Variants in LRRTM4 observed in about 807,000 individuals in gnomAD.
LRRTM4 encodes the protein leucine-rich repeat transmembrane neuronal protein 4.
Under a neutral mutation model 47.6 loss-of-function variants are expected in LRRTM4, and 25 were observed. That is an observed-to-expected ratio of 0.53 (90% CI 0.38 to 0.73). LRRTM4 has a LOEUF of 0.73. Ranked by LOEUF, LRRTM4 falls within the 30% of genes least tolerant of loss-of-function variation. The pLI is 0.00. For synonymous variants in LRRTM4, 311 were observed against 269.5 expected, an observed-to-expected ratio of 1.15 and a Z score of -1.51; for missense variants, 638 against 713.4, an observed-to-expected ratio of 0.89 and a Z score of 1.20.
At chr2:77,016,644 C>T (rs537899693) in intron 3 of LRRTM4, among the ~76,000 whole-genome samples, 1 of 152,212 alleles carries the variant, frequency 6.6e-6, no homozygotes, top group East Asian at 1.9e-4. Flanking sequence ...CAAGGCAGAA[C>T]ATTTTGCCCC....
intron 3 of LRRTM4, among the ~76,000 whole-genome samples, chr2:77,070,717 GC>G (rs1680123725): frequency 1.3e-5 from 2 of 152,160 alleles, no homozygotes; most frequent in South Asian, 4.1e-4. Flanking sequence ...TGCATCTTCT[GC>G]CTCCCAGGTT....
At chr2:77,294,708 T>C (rs1279786749) in intron 3 of LRRTM4, among the ~76,000 whole-genome samples, 1 of 152,128 alleles carries the variant, frequency 6.6e-6, no homozygotes, top group Non-Finnish European at 1.5e-5. Context: ...AGGTATTGGA[T>C]ATTGTATTTC....
At chr2:76,986,619 T>C (rs1234503834) in intron 3 of LRRTM4, among the ~76,000 whole-genome samples, 1 of 151,882 alleles carries the variant, frequency 6.6e-6, no homozygotes, top group African/African-American at 2.4e-5. Flanking sequence ...TTGAACATAA[T>C]GAAAGCCCAG....
At chr2:76,781,656 G>T (rs1239274143) in intron 3 of LRRTM4, among the ~76,000 whole-genome samples, 2 of 152,220 alleles carry the variant, frequency 1.3e-5, no homozygotes, top group Admixed American at 1.3e-4. Context: ...CCACTGTCTG[G>T]CACTCCCAAT....
intron 3 of LRRTM4, among the ~76,000 whole-genome samples, chr2:77,165,662 A>C (rs1435888609): frequency 2.6e-5 from 4 of 152,208 alleles, no homozygotes; most frequent in Admixed American, 6.5e-5. Context: ...AACATATGCA[A>C]ATCAATAAAC....
intron 3 of LRRTM4, among the ~76,000 whole-genome samples, chr2:77,507,774 T>A (rs916134666): frequency 5.3e-5 from 8 of 151,908 alleles, no homozygotes; most frequent in Admixed American, 5.3e-4. Context: ...CAAATTGGAA[T>A]CCCTAAGAGC....
At chr2:77,357,311 A>G (rs543611194) in intron 3 of LRRTM4, among the ~76,000 whole-genome samples, 1 of 152,182 alleles carries the variant, frequency 6.6e-6, no homozygotes, top group East Asian at 1.9e-4. Context: ...CTGCAAAATG[A>G]GTTATGATGA....
intron 3 of LRRTM4, among the ~76,000 whole-genome samples, chr2:77,309,651 G>A (rs184013680): frequency 1.3e-5 from 2 of 151,394 alleles, no homozygotes; most frequent in Admixed American, 1.3e-4. Context: ...AGAATCCTTA[G>A]CAGGCCAGAA....
intron 3 of LRRTM4, among the ~76,000 whole-genome samples, chr2:76,953,280 C>A (rs1267508048): frequency 3.3e-5 from 5 of 151,834 alleles, no homozygotes; most frequent in Admixed American, 3.3e-4. Flanking sequence ...CCCACAGGAA[C>A]ACTGATCTAA....
At chr2:76,969,993 A>G (rs977460653) in intron 3 of LRRTM4, among the ~76,000 whole-genome samples, 2 of 151,968 alleles carry the variant, frequency 1.3e-5, no homozygotes, top group African/African-American at 4.8e-5. Flanking sequence ...CAAATCAGAA[A>G]CAATTTTTGA....
intron 3 of LRRTM4, among the ~76,000 whole-genome samples, chr2:76,870,387 A>T (rs1418380805): frequency 6.6e-6 from 1 of 152,184 alleles, no homozygotes; most frequent in African/African-American, 2.4e-5. Context: ...ATGTGGGCAT[A>T]GTCATAACAC....
At chr2:76,908,965 C>T (rs188189253) in intron 3 of LRRTM4, among the ~76,000 whole-genome samples, 1 of 152,064 alleles carries the variant, frequency 6.6e-6, no homozygotes, top group Non-Finnish European at 1.5e-5. Flanking sequence ...GCTACCAATG[C>T]CTTTCTTCAC....
chr2:77,383,951 C>G (rs969016479), intron 3 of LRRTM4, among the ~76,000 whole-genome samples: 1 of 152,128 alleles, frequency 6.6e-6, no homozygotes, highest in African/African-American at 2.4e-5. Context: ...AGGCTGTACT[C>G]TTTCAGAGCT....
At chr2:76,851,755 G>GTTTT (rs34184474) in intron 3 of LRRTM4, among the ~76,000 whole-genome samples, 7 of 117,744 alleles carry the variant, frequency 5.9e-5, no homozygotes, top group Non-Finnish European at 1.2e-4. Context: ...ACTTTTATTC[G>GTTTT]TTTTTTTTTT....
chr2:76,988,093 C>T (rs535489629), intron 3 of LRRTM4, among the ~76,000 whole-genome samples: 1 of 151,798 alleles, frequency 6.6e-6, no homozygotes, highest in South Asian at 2.1e-4. Flanking sequence ...CTTTTTTCTT[C>T]TATCAACTTT....
chr2:76,948,156 C>T (rs1448054988), intron 3 of LRRTM4, among the ~76,000 whole-genome samples: 1 of 136,172 alleles, frequency 7.3e-6, no homozygotes, highest in African/African-American at 3.4e-5. Flanking sequence ...AGTGGAAAGT[C>T]TATTCAATGA....
At chr2:76,795,827 T>C (rs1014047066) in intron 3 of LRRTM4, among the ~76,000 whole-genome samples, 2 of 151,982 alleles carry the variant, frequency 1.3e-5, no homozygotes, top group Non-Finnish European at 2.9e-5. Context: ...GATGGCCAAA[T>C]AGGAACAGCT....
At chr2:77,125,091 G>T (rs1445259933) in intron 3 of LRRTM4, among the ~76,000 whole-genome samples, 1 of 152,108 alleles carries the variant, frequency 6.6e-6, no homozygotes, top group Non-Finnish European at 1.5e-5. Flanking sequence ...GATTGAAAAA[G>T]ATCCAAAATG....
chr2:77,125,864 A>T (rs1186669282), intron 3 of LRRTM4, among the ~76,000 whole-genome samples: 1 of 151,108 alleles, frequency 6.6e-6, no homozygotes. Flanking sequence ...TTACACACAC[A>T]CATAAATGTG....
Sources: allele counts gnomAD v4.1 joint callset (sites outside exome capture counted in the v4.1 genomes callset), GRCh38; gene constraint gnomAD v4.1.1; transcripts MANE v1.5; gene names NCBI Gene and HGNC (gene_info 2026-07-23, HGNC 2026-07-21).